Variants in ASTN1 observed in about 807,000 individuals in gnomAD.
The protein encoded by ASTN1 is astrotactin-1.
ASTN1 carries 41 observed loss-of-function variants against 140.7 expected under a neutral mutation model. The ratio of observed to expected loss-of-function variants is 0.29; its 90% CI spans 0.23 to 0.38. ASTN1 has a LOEUF of 0.38. Among genes scored for constraint, ASTN1 ranks in the 10% least tolerant of loss-of-function variants. ASTN1 has a pLI of 1.00. For synonymous variants in ASTN1, 640 were observed against 652.2 expected (o/e 0.98, Z 0.29); for missense variants, 1,479 against 1,678.8 (o/e 0.88, Z 2.08).
intron 1 of ASTN1, among the ~76,000 whole-genome samples, chr1:177,070,212 C>T (rs1678569633): frequency 6.6e-6 from 1 of 152,098 alleles, no homozygotes; most frequent in Non-Finnish European, 1.5e-5. Flanking sequence ...AACATGGATG[C>T]CGGAATTTTG....
intron 6 of ASTN1, 53 bp downstream of exon 6, chr1:177,024,530 G>T: frequency 6.3e-7 from 1 of 1,598,700 alleles, no homozygotes; most frequent in Non-Finnish European, 8.6e-7. Context: ...TGCCCAACCA[G>T]AAAACTTTCC....
chr1:176,961,957 G>T (rs1672684079), intron 9 of ASTN1, among the ~76,000 whole-genome samples: 1 of 152,196 alleles, frequency 6.6e-6, no homozygotes. Context: ...AGAAATTCCT[G>T]TCCAGAGGCA....
chr1:176,982,700 C>G (rs1442521246), intron 8 of ASTN1, among the ~76,000 whole-genome samples: 1 of 152,112 alleles, frequency 6.6e-6, no homozygotes, highest in Non-Finnish European at 1.5e-5. Context: ...TTTAGTATGT[C>G]TGATATGGGG....
At chr1:176,959,406 G>C (rs189783966) in intron 9 of ASTN1, among the ~76,000 whole-genome samples, 152 of 152,048 alleles carry the variant, frequency 1.0e-3, no homozygotes, top group Non-Finnish European at 1.9e-3. Context: ...CATGCTGCTC[G>C]TACAGCACCA....
chr1:176,989,026 C>A (rs567244573), intron 8 of ASTN1, among the ~76,000 whole-genome samples: 1 of 152,222 alleles, frequency 6.6e-6, no homozygotes, highest in Non-Finnish European at 1.5e-5. Context: ...TGACAATTAT[C>A]CAGGTTGATA....
chr1:177,097,400 C>T (rs1043226798), intron 1 of ASTN1, among the ~76,000 whole-genome samples: 6 of 152,008 alleles, frequency 3.9e-5, no homozygotes, highest in Non-Finnish European at 8.8e-5. Context: ...GGTTAGAACC[C>T]GATTTAAACT....
intron 14 of ASTN1, 93 bp from the exon 15 acceptor site, chr1:176,936,463 T>C (rs1000336776): frequency 4.3e-6 from 4 of 925,142 alleles, no homozygotes; most frequent in Non-Finnish European, 6.6e-6. Flanking sequence ...CGAAGTGTTG[T>C]AATTGTGAGA....
chr1:177,030,729 G>A (rs573815548), intron 4 of ASTN1, 77 bp downstream of exon 4: 1 of 1,576,702 alleles, frequency 6.3e-7, no homozygotes, highest in East Asian at 2.2e-5. Context: ...TGAGAGAATG[G>A]GTAGAAGATA....
intron 21 of ASTN1, among the ~76,000 whole-genome samples, chr1:176,869,279 G>A (rs574891492): frequency 6.6e-6 from 1 of 152,170 alleles, no homozygotes; most frequent in East Asian, 1.9e-4. Flanking sequence ...GTTACAGAAA[G>A]AGCATTGAAC....
chr1:177,019,684 C>T (rs980225699), intron 7 of ASTN1, among the ~76,000 whole-genome samples: 1 of 152,188 alleles, frequency 6.6e-6, no homozygotes, highest in South Asian at 2.1e-4. Context: ...AGGTATATTA[C>T]ATCCCTCCCA....
chr1:177,158,089 G>A (rs2102261203), intron 1 of ASTN1, among the ~76,000 whole-genome samples: 1 of 152,278 alleles, frequency 6.6e-6, no homozygotes, highest in African/African-American at 2.4e-5. Context: ...TGAAAAGCTA[G>A]AAGTGGAACT....
At chr1:177,063,025 A>G (rs916277447) in intron 1 of ASTN1, among the ~76,000 whole-genome samples, 1 of 152,132 alleles carries the variant, frequency 6.6e-6, no homozygotes, top group African/African-American at 2.4e-5. Context: ...TGATACTGGT[A>G]ATGGGTTTGA....
intron 9 of ASTN1, among the ~76,000 whole-genome samples, chr1:176,960,987 T>G (rs1321971617): frequency 1.3e-5 from 2 of 152,138 alleles, no homozygotes; most frequent in African/African-American, 4.8e-5. Context: ...TGTGCCTGTC[T>G]CTTCAGGTAT....
chr1:176,870,696 A>G (rs1012832933), intron 21 of ASTN1, among the ~76,000 whole-genome samples: 2 of 152,234 alleles, frequency 1.3e-5, no homozygotes, highest in Non-Finnish European at 2.9e-5. Context: ...CAGCCAGCAT[A>G]TTTAGCTGCA....
chr1:176,880,539 C>T (rs976679878), intron 20 of ASTN1, among the ~76,000 whole-genome samples: 6 of 152,204 alleles, frequency 3.9e-5, no homozygotes, highest in African/African-American at 1.4e-4. Context: ...AATGCTGGAC[C>T]AGACATACTT....
intron 11 of ASTN1, among the ~76,000 whole-genome samples, chr1:176,949,983 T>C (rs1672130205): frequency 6.6e-6 from 1 of 152,192 alleles, no homozygotes; most frequent in Admixed American, 6.5e-5. Flanking sequence ...GTACCTACTA[T>C]ATGGTCACCC....
chr1:177,102,562 C>A (rs1680351402), intron 1 of ASTN1, among the ~76,000 whole-genome samples: 1 of 152,094 alleles, frequency 6.6e-6, no homozygotes, highest in African/African-American at 2.4e-5. Context: ...GGAAAAAAAA[C>A]ACAACCACCA....
intron 16 of ASTN1, among the ~76,000 whole-genome samples, chr1:176,933,648 T>C (rs1671307898): frequency 6.6e-6 from 1 of 152,220 alleles, no homozygotes; most frequent in Non-Finnish European, 1.5e-5. Flanking sequence ...TATAAACACT[T>C]GGCCAATAGA....
At chr1:176,876,516 G>A (rs747768818) in intron 21 of ASTN1, 21 bp downstream of exon 21, 25 of 1,613,042 alleles carry the variant, frequency 1.5e-5, no homozygotes, top group Non-Finnish European at 2.1e-5. Flanking sequence ...CAGAAACACT[G>A]CTAACTTCGA....
Sources: gnomAD v4.1 joint callset for allele counts (sites outside exome capture counted in the v4.1 genomes callset) on GRCh38, gnomAD v4.1.1 for gene constraint, MANE v1.5 for transcripts, NCBI Gene and HGNC (gene_info 2026-07-23, HGNC 2026-07-21) for gene names.